The following ZNF516 variants were observed in gnomAD, a reference collection of about 807,000 sequenced individuals.
ZNF516 encodes zinc finger protein 516.
A neutral mutation model predicts 79.7 loss-of-function variants in ZNF516; 19 were observed. The ratio of observed to expected loss-of-function variants is 0.24; its 90% CI spans 0.17 to 0.35. The LOEUF (loss-of-function observed/expected upper bound fraction) is 0.35, where lower values mean the gene tolerates loss of function less well. Among genes scored for constraint, ZNF516 ranks in the 10% least tolerant of loss-of-function variants. ZNF516 has a pLI of 1.00. For synonymous variants in ZNF516, 877 were observed against 739.5 expected, an observed-to-expected ratio of 1.19 and a Z score of -3.02; for missense variants, 1,678 against 1,679.5, an observed-to-expected ratio of 1.00 and a Z score of 0.02.
intron 2 of ZNF516, among the ~76,000 whole-genome samples, chr18:76,458,907 TAG>T (rs1456462641): frequency 6.6e-6 from 1 of 152,098 alleles, no homozygotes; most frequent in Admixed American, 6.5e-5. Context: ...GTGTAAAGGT[TAG>T]AGTGTGTGAC....
chr18:76,473,670 G>T (rs1913996813), intron 1 of ZNF516, among the ~76,000 whole-genome samples: 1 of 152,032 alleles, frequency 6.6e-6, no homozygotes. Context: ...GCTTGGTGGT[G>T]GGCGCCTGTA....
In ZNF516 at chr18:76,442,616, CGGCCTGCGA is replaced by C; in HGVS notation, c.430_438del (p.Ser144_Ala146del). The stretch of plus-strand genomic sequence containing the variant: ...CTCCGCAGCAGGACTCTGCCGCTGT[CGGCCTGCGA>C]GGCCCCGTTCAGGACCCTGGCGCCG... On this transcript the variant is annotated inframe_deletion, in exon 3 of 7. Coordinates refer to ENST00000443185, the MANE Select transcript of ZNF516 (RefSeq NM_014643.4). 6.3e-7 allele frequency: 1 copy of C among 1,596,518 alleles called. No homozygotes were observed.
Position 76,442,712 on chromosome 18 carries a change from C to A in ZNF516, c.343G>T (p.Ala115Ser), listed in dbSNP as rs1490008306. 3.3e-5 allele frequency: 52 copies of A among 1,580,382 alleles called. No individual in the cohort carries two copies. The highest frequency in any genetic ancestry group is 4.2e-5 in the Non-Finnish European group (49 of 1,164,446). ...MRASEGLDAC[A>S]SPTKSASACN... The stretch of plus-strand genomic sequence containing the variant: ...GCCGAGGCGCTCTTGGTGGGGCTGG[C>A]GCAGGCGTCCAGGCCCTCGGAGGCG... Residue 115 changes from alanine (A) to serine (S), a missense_variant, in exon 3 of 7, where the codon GCC (alanine) becomes TCC (serine). Physicochemically the swap from Ala to Ser is moderately conservative, Grantham distance 99. This residue lies in a region of ZNF516 where 279 missense variants were observed against 254.1 expected (regional missense o/e 1.10). Transcript: ENST00000443185.
At chr18:76,366,980 A>G (rs1045651094) in intron 6 of ZNF516, among the ~76,000 whole-genome samples, 2 of 152,226 alleles carry the variant, frequency 1.3e-5, no homozygotes, top group African/African-American at 4.8e-5. Flanking sequence ...GTTGACAGCT[A>G]TTAGATACAG....
At chr18:76,440,738 G>T (rs571305319) in intron 3 of ZNF516, among the ~76,000 whole-genome samples, 1,226 of 69,506 alleles carry the variant, frequency 0.018, 15 homozygotes, top group East Asian at 0.096. Flanking sequence ...GTGTGTGTGT[G>T]TGTTTGTGTG....
chr18:76,455,157 G>A (rs1224393470), intron 2 of ZNF516, among the ~76,000 whole-genome samples: 1 of 151,866 alleles, frequency 6.6e-6, no homozygotes, highest in African/African-American at 2.4e-5. Context: ...GTTGCTTTGC[G>A]AACATTTTCC....
Position 76,441,319 on chromosome 18 carries a change from T to G in ZNF516, c.1736A>C (p.Asp579Ala), listed in dbSNP as rs1483780612. Residue 579 changes from aspartate (D) to alanine (A), a missense_variant, in exon 3 of 7, where the codon GAC becomes GCC. Around this residue, in one of 5 missense-constraint regions of ZNF516, gnomAD observed 1,294 missense variants for 1,248.3 expected, o/e 1.04. Transcript: ENST00000443185. ...GTCGGCCAGGCCAGAGCCCGGGGAG[T>G]CAGCAGCGGCACAGGCGGAGCCAGG... Reference protein sequence around the residue: ...SSPGSACAAADSPGSGLADEA... With the variant: ...SSPGSACAAAASPGSGLADEA... 2 of 1,611,402 alleles carry G rather than the reference T, an allele frequency of 1.2e-6. No individual in the cohort carries two copies. Among genetic ancestry groups the G allele is most frequent in the East Asian group, 2.2e-5 (1 of 44,802 alleles).
intron 6 of ZNF516, among the ~76,000 whole-genome samples, chr18:76,363,616 G>A (rs552909149): frequency 6.6e-6 from 1 of 152,314 alleles, no homozygotes; most frequent in East Asian, 1.9e-4. Context: ...AATGGAATGA[G>A]AGATGTGATA....
At chr18:76,435,172 G>A (rs924665335) in intron 3 of ZNF516, among the ~76,000 whole-genome samples, 4 of 137,066 alleles carry the variant, frequency 2.9e-5, no homozygotes, top group Non-Finnish European at 6.8e-5. Context: ...AATTTTCCTG[G>A]CAAACCAAAA....
intron 2 of ZNF516, among the ~76,000 whole-genome samples, chr18:76,446,026 CAG>C (rs758805665): frequency 1.2e-4 from 18 of 152,060 alleles, no homozygotes; most frequent in Non-Finnish European, 2.6e-4. Flanking sequence ...ATGGCCAACA[CAG>C]GGCATTCAGC....
intron 1 of ZNF516, chr18:76,490,180 T>TG (rs1915082182): frequency 1.0e-6 from 1 of 985,268 alleles, no homozygotes; most frequent in Non-Finnish European, 1.2e-6. Context: ...AAGATGGCCA[T>TG]GGGGGTCACT....
At chr18:76,458,678 T>C (rs1415229659) in intron 2 of ZNF516, among the ~76,000 whole-genome samples, 2 of 146,752 alleles carry the variant, frequency 1.4e-5, no homozygotes, top group East Asian at 2.0e-4. Flanking sequence ...CCGTCGTGTG[T>C]GCGTGCCTCA....
intron 3 of ZNF516, among the ~76,000 whole-genome samples, chr18:76,418,271 TAACA>T (rs1250957597): frequency 2.6e-5 from 4 of 151,770 alleles, no homozygotes; most frequent in African/African-American, 7.3e-5. Flanking sequence ...CGTAACACAC[TAACA>T]TACACTGTAA....
At chr18:76,385,241 G>C (rs1479845570) in intron 3 of ZNF516, among the ~76,000 whole-genome samples, 1 of 152,240 alleles carries the variant, frequency 6.6e-6, no homozygotes, top group Non-Finnish European at 1.5e-5. Flanking sequence ...CACAAACATG[G>C]ATTAGGTCTT....
At chr18:76,381,255 A>C (rs1251979138) in intron 3 of ZNF516, among the ~76,000 whole-genome samples, 1 of 152,202 alleles carries the variant, frequency 6.6e-6, no homozygotes. Flanking sequence ...ACGGATTAAC[A>C]AAAATTCGGT....
At chr18:76,462,146 G>A (rs766323641) in intron 2 of ZNF516, among the ~76,000 whole-genome samples, 26 of 152,228 alleles carry the variant, frequency 1.7e-4, no homozygotes, top group African/African-American at 5.8e-4. Flanking sequence ...GCCGATGAGC[G>A]CTGGTGACCA....
rs1321596337 is a variant in ZNF516 at position 76,372,368 on chromosome 18, A to C, written c.3260-797T>G. 1.3e-5 allele frequency among the ~76,000 whole-genome samples: 2 copies of C among 152,260 alleles called. 1 individual carries two copies. Among genetic ancestry groups the C allele is most frequent in the Admixed American group, 1.3e-4 (2 of 15,292 alleles). On this transcript the variant is annotated intron_variant, in intron 4 of 6. Coordinates refer to ENST00000443185, the MANE Select transcript of ZNF516 (RefSeq NM_014643.4). The stretch of plus-strand genomic sequence containing the variant: ...TTGATTTCCATGTGCTGGCAGCTCC[A>C]AAGAAATTTCTCTGGCTGGGAGAGT...
intron 3 of ZNF516, among the ~76,000 whole-genome samples, chr18:76,404,896 G>A (rs1266601724): frequency 6.6e-6 from 1 of 152,166 alleles, no homozygotes; most frequent in Non-Finnish European, 1.5e-5. Context: ...CTGTGAGTAG[G>A]AGCGTGTGTG....
At chr18:76,472,509 A>T (rs1173997983) in intron 1 of ZNF516, among the ~76,000 whole-genome samples, 2 of 152,244 alleles carry the variant, frequency 1.3e-5, no homozygotes, top group Non-Finnish European at 2.9e-5. Context: ...ACACATATGC[A>T]CTTGCGACAC....
Sources: gnomAD v4.1 joint callset for allele counts (sites outside exome capture counted in the v4.1 genomes callset) on GRCh38, gnomAD v4.1.1 for gene constraint, gnomAD v4.1.1 regional missense constraint, MANE v1.5 for transcripts, NCBI Gene and HGNC (gene_info 2026-07-23, HGNC 2026-07-21) for gene names.